Variants in RBFOX1 observed in about 807,000 individuals in gnomAD.
RBFOX1 encodes RNA binding protein fox-1 homolog 1.
In RBFOX1, 8 loss-of-function variants were observed where a neutral mutation model predicts 57.7. The observed-to-expected ratio is 0.14, with a 90% CI of 0.08 to 0.25. The LOEUF (loss-of-function observed/expected upper bound fraction) is 0.25, where lower values mean the gene tolerates loss of function less well. Among genes scored for constraint, RBFOX1 ranks in the 10% least tolerant of loss-of-function variants. The pLI is 1.00. For synonymous variants in RBFOX1, 326 were observed against 222.4 expected (o/e 1.47, Z -4.15); for missense variants, 611 against 548.5 (o/e 1.11, Z -1.14).
chr16:5,753,772 C>T (rs911896508), intron 3 of RBFOX1, among the ~76,000 whole-genome samples: 2 of 152,022 alleles, frequency 1.3e-5, no homozygotes, highest in African/African-American at 4.8e-5. Flanking sequence ...GTATAGGAGC[C>T]TCCCCTCTTA....
chr16:7,414,572 C>T (rs1287753949), intron 4 of RBFOX1, among the ~76,000 whole-genome samples: 1 of 152,058 alleles, frequency 6.6e-6, no homozygotes, highest in African/African-American at 2.4e-5. Flanking sequence ...GAAGGTCTAC[C>T]ATATCCCAAA....
intron 3 of RBFOX1, among the ~76,000 whole-genome samples, chr16:7,041,636 AC>A (rs933197545): frequency 1.3e-5 from 2 of 152,110 alleles, no homozygotes; most frequent in African/African-American, 4.8e-5. Flanking sequence ...GTACCAATTT[AC>A]CACCCTTCTT....
chr16:6,494,240 C>T (rs148722730), intron 2 of RBFOX1, among the ~76,000 whole-genome samples: 20 of 152,196 alleles, frequency 1.3e-4, no homozygotes, highest in Non-Finnish European at 2.4e-4. Context: ...GTTACTTGCA[C>T]GTATTTGTGT....
chr16:5,798,069 C>G (rs1002139065), intron 3 of RBFOX1, among the ~76,000 whole-genome samples: 7 of 152,176 alleles, frequency 4.6e-5, no homozygotes, highest in African/African-American at 1.7e-4. Context: ...TACTTAATAG[C>G]TATGTGTCTT....
chr16:5,880,855 C>A (rs1236934158), intron 4 of RBFOX1, among the ~76,000 whole-genome samples: 1 of 152,182 alleles, frequency 6.6e-6, no homozygotes, highest in African/African-American at 2.4e-5. Context: ...AAACATGATT[C>A]AGTCAAATCT....
intron 1 of RBFOX1, among the ~76,000 whole-genome samples, chr16:5,447,410 C>CTCTCTCTCTCTCTCTT (rs57438177): frequency 6.8e-6 from 1 of 147,570 alleles, no homozygotes; most frequent in African/African-American, 2.5e-5. Flanking sequence ...CTCTCTCTCT[C>CTCTCTCTCTCTCTCTT]GACGCAGTCT....
At chr16:5,335,399 G>C (rs1287740247) in intron 1 of RBFOX1, among the ~76,000 whole-genome samples, 2 of 152,196 alleles carry the variant, frequency 1.3e-5, no homozygotes, top group Non-Finnish European at 2.9e-5. Context: ...GAAAGGTGGA[G>C]GCTGGAGTTT....
intron 4 of RBFOX1, among the ~76,000 whole-genome samples, chr16:5,967,373 A>C (rs1050417040): frequency 6.6e-6 from 1 of 152,086 alleles, no homozygotes; most frequent in Non-Finnish European, 1.5e-5. Context: ...CTTCCTTGCT[A>C]CCTGGTTTGA....
intron 3 of RBFOX1, among the ~76,000 whole-genome samples, chr16:6,934,267 T>G (rs988716939): frequency 2.0e-5 from 3 of 152,244 alleles, no homozygotes; most frequent in African/African-American, 7.2e-5. Context: ...CTCTTCAGTC[T>G]GGACTGAAGT....
intron 10 of RBFOX1, among the ~76,000 whole-genome samples, chr16:7,623,623 C>T (rs189276880): frequency 8.7e-4 from 132 of 152,276 alleles, no homozygotes; most frequent in African/African-American, 2.9e-3. Flanking sequence ...AAGCTTTGCT[C>T]GCTCACCTGC....
At chr16:5,604,692 A>C (rs2047502850), downstream of RBFOX1, among the ~76,000 whole-genome samples, 1 of 152,160 alleles carries the variant, frequency 6.6e-6, no homozygotes, top group Non-Finnish European at 1.5e-5. Flanking sequence ...ATGCTGATAC[A>C]GTCCCGAGAT....
chr16:6,345,827 G>A (rs968373397), intron 2 of RBFOX1, among the ~76,000 whole-genome samples: 4 of 152,164 alleles, frequency 2.6e-5, no homozygotes, highest in Admixed American at 6.5e-5. Flanking sequence ...CGACATGTGC[G>A]CAAGGTGGTT....
At chr16:5,410,486 G>A (rs1317630231) in intron 1 of RBFOX1, among the ~76,000 whole-genome samples, 3 of 152,132 alleles carry the variant, frequency 2.0e-5, no homozygotes, top group Admixed American at 6.5e-5. Flanking sequence ...TCAAGATTTC[G>A]TCTTGCTTCA....
chr16:6,829,831 A>T (rs962260251), intron 3 of RBFOX1, among the ~76,000 whole-genome samples: 1 of 152,154 alleles, frequency 6.6e-6, no homozygotes, highest in Non-Finnish European at 1.5e-5. Flanking sequence ...CGAATTCTTG[A>T]CCTTAGGAGA....
chr16:6,495,531 T>G (rs2095747103), intron 2 of RBFOX1, among the ~76,000 whole-genome samples: 1 of 152,216 alleles, frequency 6.6e-6, no homozygotes, highest in Non-Finnish European at 1.5e-5. Context: ...AAACATCTAT[T>G]GATATCACCC....
chr16:6,966,286 C>T (rs953785982), intron 3 of RBFOX1, among the ~76,000 whole-genome samples: 3 of 152,242 alleles, frequency 2.0e-5, no homozygotes, highest in Non-Finnish European at 2.9e-5. Flanking sequence ...CTGGGCACTC[C>T]TGCAGGCACT....
chr16:5,978,128 C>CAA (rs140908065), intron 4 of RBFOX1, among the ~76,000 whole-genome samples: 663 of 31,518 alleles, frequency 0.021, 149 homozygotes, highest in East Asian at 0.049. Flanking sequence ...CTGTCTCTTC[C>CAA]AAAAAAAAAA....
At chr16:6,484,128 C>T (rs1416667533) in intron 2 of RBFOX1, among the ~76,000 whole-genome samples, 3 of 152,114 alleles carry the variant, frequency 2.0e-5, no homozygotes, top group Admixed American at 6.5e-5. Context: ...TAACTTTATT[C>T]CCAGAGATGA....
intron 14 of RBFOX1, among the ~76,000 whole-genome samples, chr16:7,699,009 A>C (rs2147998932): frequency 6.6e-6 from 1 of 152,346 alleles, no homozygotes; most frequent in Admixed American, 6.5e-5. Flanking sequence ...AGAAGAATGC[A>C]CCAAAGTCAC....
Sources: gnomAD v4.1 joint callset for allele counts (sites outside exome capture counted in the v4.1 genomes callset) on GRCh38, gnomAD v4.1.1 for gene constraint, MANE v1.5 for transcripts, NCBI Gene and HGNC (gene_info 2026-07-23, HGNC 2026-07-21) for gene names.